Variants in AKAP6 observed in about 807,000 individuals in gnomAD.
AKAP6 encodes A-kinase anchor protein 6.
AKAP6 carries 58 observed loss-of-function variants against 188.5 expected under a neutral mutation model. That is an observed-to-expected ratio of 0.31 (90% CI 0.25 to 0.38). The LOEUF (loss-of-function observed/expected upper bound fraction) is 0.38. Among genes scored for constraint, AKAP6 ranks in the 10% least tolerant of loss-of-function variants. The pLI, the probability that AKAP6 is intolerant of heterozygous loss-of-function variation, is 1.00. For synonymous variants in AKAP6, 989 were observed against 998.6 expected (o/e 0.99, Z 0.18); for missense variants, 2,710 against 2,740.0 (o/e 0.99, Z 0.24).
At chr14:32,694,218 G>A (rs1055855495) in intron 8 of AKAP6, among the ~76,000 whole-genome samples, 6 of 152,040 alleles carry the variant, frequency 3.9e-5, no homozygotes, top group African/African-American at 7.2e-5. Context: ...AAAATTAGCC[G>A]AGCGTGGTGG....
chr14:32,410,250 T>A (rs903403281), intron 1 of AKAP6, among the ~76,000 whole-genome samples: 1 of 152,186 alleles, frequency 6.6e-6, no homozygotes, highest in Non-Finnish European at 1.5e-5. Flanking sequence ...CTCTGAAGTC[T>A]GCTGTCTGAA....
intron 1 of AKAP6, among the ~76,000 whole-genome samples, chr14:32,409,253 G>C (rs960048113): frequency 6.6e-6 from 1 of 152,052 alleles, no homozygotes; most frequent in Admixed American, 6.6e-5. Flanking sequence ...CATACAAGAT[G>C]CCCTTCACTT....
intron 1 of AKAP6, among the ~76,000 whole-genome samples, chr14:32,391,693 G>C (rs1001353165): frequency 6.6e-6 from 1 of 152,130 alleles, no homozygotes; most frequent in Non-Finnish European, 1.5e-5. Flanking sequence ...TAACCCCACT[G>C]CCTTGCTTCT....
intron 2 of AKAP6, among the ~76,000 whole-genome samples, chr14:32,494,722 T>C (rs903316528): frequency 6.6e-6 from 1 of 152,130 alleles, no homozygotes; most frequent in Non-Finnish European, 1.5e-5. Context: ...CCAAGTCACT[T>C]GCATGCCTCT....
At chr14:32,481,778 C>G (rs1429052746) in intron 2 of AKAP6, among the ~76,000 whole-genome samples, 1 of 152,168 alleles carries the variant, frequency 6.6e-6, no homozygotes, top group Non-Finnish European at 1.5e-5. Flanking sequence ...CATCTCCCAG[C>G]CTGAAAGAGG....
intron 7 of AKAP6, among the ~76,000 whole-genome samples, chr14:32,674,453 G>T (rs1889344017): frequency 6.6e-6 from 1 of 152,160 alleles, no homozygotes; most frequent in African/African-American, 2.4e-5. Context: ...TGGAAGCAGT[G>T]CAGATTGGAG....
chr14:32,455,486 A>G (rs1449851235), intron 2 of AKAP6, among the ~76,000 whole-genome samples: 2 of 151,922 alleles, frequency 1.3e-5, no homozygotes, highest in African/African-American at 4.8e-5. Context: ...TGGGTTGTCT[A>G]TTTTTCTTGA....
At chr14:32,760,720 G>C (rs931895446) in intron 11 of AKAP6, among the ~76,000 whole-genome samples, 1 of 152,018 alleles carries the variant, frequency 6.6e-6, no homozygotes, top group Non-Finnish European at 1.5e-5. Context: ...TCAAGAAAAT[G>C]GTCTTGAAAA....
At chr14:32,652,639 G>A (rs1199565159) in intron 7 of AKAP6, among the ~76,000 whole-genome samples, 3 of 152,066 alleles carry the variant, frequency 2.0e-5, no homozygotes. Flanking sequence ...TTCATTTCCA[G>A]CCAGGAAGAC....
chr14:32,366,423 C>T (rs942396262), intron 1 of AKAP6, among the ~76,000 whole-genome samples: 3 of 152,154 alleles, frequency 2.0e-5, no homozygotes, highest in African/African-American at 4.8e-5. Flanking sequence ...TGCTGATAGC[C>T]TGTCTCCTAC....
At chr14:32,491,600 G>C (rs1008554883) in intron 2 of AKAP6, among the ~76,000 whole-genome samples, 4 of 152,150 alleles carry the variant, frequency 2.6e-5, no homozygotes, top group African/African-American at 9.7e-5. Context: ...CCCCTTTCCA[G>C]CATATGACTG....
Position 32,822,574 on chromosome 14 carries a change from T to G in AKAP6, c.4761T>G (p.Ser1587Arg). 6.2e-7 allele frequency: 1 copy of G among 1,614,036 alleles called. No individual in the cohort carries two copies. Among genetic ancestry groups the G allele is most frequent in the Non-Finnish European group, 8.5e-7 (1 of 1,179,966 alleles). ...LFGLGIFKNG[S>R]DSLQRSTSLE... ...GATTGGGCATCTTTAAAAATGGCAG[T>G]GACAGCCTCCAGCGAAGCACTTCTT... Residue 1587 changes from serine to arginine, a missense_variant, in exon 13 of 14, where the codon AGT (serine) becomes AGG (arginine). By Grantham distance (110) the Ser-to-Arg change is moderately radical (BLOSUM62 -1). This residue lies in a region of AKAP6 where 2,473 missense variants were observed against 2,426.1 expected (regional missense o/e 1.02). Coordinates refer to ENST00000280979, the MANE Select transcript of AKAP6 (RefSeq NM_004274.5).
intron 11 of AKAP6, among the ~76,000 whole-genome samples, chr14:32,738,099 G>A (rs2031510979): frequency 6.6e-6 from 1 of 152,118 alleles, no homozygotes; most frequent in Admixed American, 6.6e-5. Context: ...AATTATCAAG[G>A]AATGAACACA....
intron 7 of AKAP6, among the ~76,000 whole-genome samples, chr14:32,644,983 G>A (rs923138342): frequency 6.6e-6 from 1 of 152,242 alleles, no homozygotes; most frequent in African/African-American, 2.4e-5. Context: ...GAAGTTACAA[G>A]CCAGTCCTCT....
At chr14:32,718,261 A>C in intron 9 of AKAP6, 1 of 985,232 alleles carries the variant, frequency 1.0e-6, no homozygotes, top group Non-Finnish European at 1.2e-6. Context: ...GAGAACAGCA[A>C]AAAAAAGAAC....
intron 1 of AKAP6, among the ~76,000 whole-genome samples, chr14:32,359,623 A>G (rs1887595674): frequency 6.6e-6 from 1 of 150,606 alleles, no homozygotes; most frequent in African/African-American, 2.5e-5. Flanking sequence ...AGGGTCCTAC[A>G]TTGCATTTAG....
At chr14:32,593,819 G>A (rs930144743) in intron 5 of AKAP6, among the ~76,000 whole-genome samples, 5 of 152,078 alleles carry the variant, frequency 3.3e-5, no homozygotes, top group Admixed American at 6.6e-5. Flanking sequence ...ATCAGTCTGG[G>A]CTTGCTCTTC....
chr14:32,488,086 C>A (rs1429673828), intron 2 of AKAP6, among the ~76,000 whole-genome samples: 5 of 152,182 alleles, frequency 3.3e-5, no homozygotes, highest in African/African-American at 1.2e-4. Flanking sequence ...CTCTTCATAG[C>A]TGGCAGGCAG....
At chr14:32,505,170 T>C (rs1218269060) in intron 2 of AKAP6, among the ~76,000 whole-genome samples, 1 of 152,114 alleles carries the variant, frequency 6.6e-6, no homozygotes, top group East Asian at 1.9e-4. Flanking sequence ...TAATCATAAC[T>C]CTTAGAGCCC....
Sources: gnomAD v4.1 joint callset for allele counts (sites outside exome capture counted in the v4.1 genomes callset) on GRCh38, gnomAD v4.1.1 for gene constraint, gnomAD v4.1.1 regional missense constraint, MANE v1.5 for transcripts, NCBI Gene and HGNC (gene_info 2026-07-23, HGNC 2026-07-21) for gene names.